RGS17: variants seen among roughly 807,000 people sequenced by gnomAD.
RGS17 encodes the protein regulator of G-protein signaling 17.
In RGS17, 12 loss-of-function variants were observed where a neutral mutation model predicts 25.5. The ratio of observed to expected loss-of-function variants is 0.47; its 90% CI spans 0.30 to 0.76. The LOEUF (loss-of-function observed/expected upper bound fraction) is 0.76, where lower values mean the gene tolerates loss of function less well. Ranked by LOEUF, RGS17 falls within the 30% of genes least tolerant of loss-of-function variation. RGS17 has a pLI of 0.07. For missense variants in RGS17, 196 were observed against 242.2 expected (o/e 0.81, Z 1.27); for synonymous variants, 71 against 76.9 (o/e 0.92, Z 0.40).
At chr6:153,054,014 ATATG>A (rs1295362060) in intron 1 of RGS17, among the ~76,000 whole-genome samples, 6,371 of 44,890 alleles carry the variant, frequency 0.14, 1,404 homozygotes, top group Admixed American at 0.22. Context: ...ATATACGTAT[ATATG>A]TATATAATAT....
chr6:153,129,554 A>G (rs1777754375), intron 1 of RGS17, among the ~76,000 whole-genome samples: 2 of 152,222 alleles, frequency 1.3e-5, no homozygotes, highest in Admixed American at 6.5e-5. Context: ...GTCTTCAATT[A>G]AATGATTTTC....
At chr6:153,068,454 C>T (rs542966526) in intron 1 of RGS17, among the ~76,000 whole-genome samples, 2 of 152,154 alleles carry the variant, frequency 1.3e-5, no homozygotes, top group South Asian at 4.1e-4. Context: ...CTCAAACAAA[C>T]AAAATGAATT....
At chr6:153,102,518 G>A (rs1471623612) in intron 1 of RGS17, among the ~76,000 whole-genome samples, 2 of 152,120 alleles carry the variant, frequency 1.3e-5, no homozygotes, top group African/African-American at 4.8e-5. Flanking sequence ...CTCATCTCGT[G>A]TTGAGGGAGG....
intron 1 of RGS17, among the ~76,000 whole-genome samples, chr6:153,102,227 G>GA (rs1777314966): frequency 6.6e-6 from 1 of 152,212 alleles, no homozygotes; most frequent in Admixed American, 6.5e-5. Context: ...GAACATGACA[G>GA]AGACACACTT....
At chr6:153,116,901 A>C (rs1421114213) in intron 1 of RGS17, among the ~76,000 whole-genome samples, 1 of 152,138 alleles carries the variant, frequency 6.6e-6, no homozygotes, top group Non-Finnish European at 1.5e-5. Flanking sequence ...AGGAAGTGGA[A>C]CATCACACAC....
chr6:153,054,467 A>G (rs1197903547), intron 1 of RGS17, among the ~76,000 whole-genome samples: 2 of 151,676 alleles, frequency 1.3e-5, no homozygotes, highest in Non-Finnish European at 2.9e-5. Context: ...CTGACCATAC[A>G]TGGTGAAACC....
intron 4 of RGS17, among the ~76,000 whole-genome samples, chr6:153,014,526 C>T (rs1224525780): frequency 2.6e-5 from 4 of 152,096 alleles, no homozygotes; most frequent in Non-Finnish European, 4.4e-5. Flanking sequence ...AGGCCAGGCG[C>T]GGTGGCTCAC....
intron 2 of RGS17, among the ~76,000 whole-genome samples, chr6:153,028,609 G>T (rs539796563): frequency 6.6e-6 from 1 of 152,080 alleles, no homozygotes; most frequent in East Asian, 1.9e-4. Context: ...GATGGGGGGG[G>T]ATACACTGCT....
At position 153,008,301 on chromosome 6, in the gene RGS17, G is replaced by A. The variant is rs1040963488; in HGVS notation, c.*3273C>T. The A allele has an allele frequency of 2.0e-5, 3 of 147,484 alleles. No individual in the cohort carries two copies. Among genetic ancestry groups the A allele is most frequent in the Non-Finnish European group, 4.5e-5 (3 of 67,220 alleles). 9.1% of individuals were successfully genotyped at this position (147,484 alleles called of 1,614,324 possible). ...GCACTAAGACGGCATATCAGAACTG[G>A]TCATTCTATGTACATATTTTAAGAT... is the stretch of plus-strand genomic sequence containing the variant. On this transcript the variant is annotated 3_prime_UTR_variant, in exon 5 of 5. Coordinates refer to ENST00000206262, the MANE Select transcript of RGS17 (RefSeq NM_012419.5).
intron 1 of RGS17, among the ~76,000 whole-genome samples, chr6:153,081,237 G>C (rs558719560): frequency 1.3e-5 from 2 of 152,090 alleles, no homozygotes; most frequent in African/African-American, 2.4e-5. Flanking sequence ...TGTTTCTCCT[G>C]TCAGTTCTGT....
At chr6:153,056,583 G>A (rs1344306305) in intron 1 of RGS17, among the ~76,000 whole-genome samples, 1 of 152,046 alleles carries the variant, frequency 6.6e-6, no homozygotes, top group African/African-American at 2.4e-5. Flanking sequence ...GATTTAAAGG[G>A]GCCTCAAGTT....
At chr6:153,094,522 G>A (rs1411642075) in intron 1 of RGS17, among the ~76,000 whole-genome samples, 2 of 152,022 alleles carry the variant, frequency 1.3e-5, no homozygotes, top group Non-Finnish European at 2.9e-5. Flanking sequence ...GTTTGATTTT[G>A]ATACTTTTTG....
At chr6:153,064,800 T>C (rs1051813710) in intron 1 of RGS17, among the ~76,000 whole-genome samples, 2 of 151,684 alleles carry the variant, frequency 1.3e-5, no homozygotes, top group African/African-American at 4.8e-5. Flanking sequence ...ATACATACAA[T>C]GAATGCACAA....
chr6:153,044,059 C>G lies in RGS17; in HGVS notation c.-25-16G>C, dbSNP rs1185472226. ...ACCCAGTTGGCTGAAAGAGATAAAA[C>G]AAAAAATTGGGTATGAAAAAAGCAA... On this transcript the variant is annotated splice_polypyrimidine_tract_variant and intron_variant, in intron 1 of 4. Coordinates refer to ENST00000206262, the MANE Select transcript of RGS17 (RefSeq NM_012419.5). The G allele has an allele frequency of 7.8e-7, 1 of 1,276,162 alleles. No individual in the cohort carries two copies. Among genetic ancestry groups the G allele is most frequent in the African/African-American group, 1.5e-5 (1 of 66,416 alleles). 79.1% of individuals were successfully genotyped at this position (1,276,162 alleles called of 1,614,324 possible).
At chr6:153,031,317 T>C (rs1294685125) in intron 2 of RGS17, among the ~76,000 whole-genome samples, 1 of 152,230 alleles carries the variant, frequency 6.6e-6, no homozygotes, top group Non-Finnish European at 1.5e-5. Context: ...GGCCCATTAT[T>C]ACAGATGCTT....
chr6:153,053,993 T>A (rs1353707997), intron 1 of RGS17, among the ~76,000 whole-genome samples: 1 of 63,242 alleles, frequency 1.6e-5, no homozygotes, highest in African/African-American at 9.1e-5. Context: ...ATGTATATAA[T>A]ATATATACAT....
At chr6:153,113,645 T>C (rs977715202) in intron 1 of RGS17, among the ~76,000 whole-genome samples, 3 of 152,140 alleles carry the variant, frequency 2.0e-5, no homozygotes, top group Non-Finnish European at 2.9e-5. Flanking sequence ...TAGCACCACA[T>C]TGCACTTATT....
At chr6:153,029,180 T>G (rs1779334573) in intron 2 of RGS17, among the ~76,000 whole-genome samples, 1 of 152,258 alleles carries the variant, frequency 6.6e-6, no homozygotes, top group African/African-American at 2.4e-5. Context: ...CTATTCACTG[T>G]GCAGCTCTTG....
intron 1 of RGS17, among the ~76,000 whole-genome samples, chr6:153,072,702 C>A (rs1463562593): frequency 6.6e-6 from 1 of 152,204 alleles, no homozygotes; most frequent in Admixed American, 6.5e-5. Flanking sequence ...AGGCCTCATG[C>A]CCTGAAAGGT....
Sources: allele counts gnomAD v4.1 joint callset (sites outside exome capture counted in the v4.1 genomes callset), GRCh38; gene constraint gnomAD v4.1.1; transcripts MANE v1.5; gene names NCBI Gene and HGNC (gene_info 2026-07-23, HGNC 2026-07-21).